The following MIR2052HG variants were observed in gnomAD, a reference collection of about 807,000 sequenced individuals.
MIR2052HG encodes the protein MIR2052 host gene.
At chr8:74,603,337 A>G in intron 1 of MIR2052HG, 6 of 1,609,286 alleles carry the variant, frequency 3.7e-6, no homozygotes, top group Non-Finnish European at 5.1e-6. Flanking sequence ...GACATTGATT[A>G]GATATTGAGC....
intron 2 of MIR2052HG, among the ~76,000 whole-genome samples, chr8:74,700,287 A>G (rs185763518): frequency 8.5e-5 from 13 of 152,348 alleles, no homozygotes; most frequent in African/African-American, 3.1e-4. Context: ...GTATGCTGCT[A>G]CAGACATATA....
At chr8:74,665,951 C>T (rs1808919091) in intron 2 of MIR2052HG, among the ~76,000 whole-genome samples, 2 of 152,206 alleles carry the variant, frequency 1.3e-5, no homozygotes, top group African/African-American at 2.4e-5. Flanking sequence ...CTTTGCCTTC[C>T]ACCATGAGTG....
chr8:74,748,351 A>G (rs1014218823), intron 4 of MIR2052HG, among the ~76,000 whole-genome samples: 1 of 152,196 alleles, frequency 6.6e-6, no homozygotes, highest in East Asian at 1.9e-4. Context: ...CTGTCCTTAA[A>G]TAGGTTGAAT....
intron 2 of MIR2052HG, among the ~76,000 whole-genome samples, chr8:74,695,744 A>C (rs116639874): frequency 0.011 from 1,699 of 152,240 alleles, 26 homozygotes; most frequent in African/African-American, 0.038. Context: ...AAAAGTCATT[A>C]TATAATCACT....
At chr8:74,652,413 GA>G (rs1355631301) in intron 2 of MIR2052HG, among the ~76,000 whole-genome samples, 1 of 152,154 alleles carries the variant, frequency 6.6e-6, no homozygotes, top group Non-Finnish European at 1.5e-5. Flanking sequence ...CTAGGCTCTG[GA>G]GTGAAGACCA....
At chr8:74,721,692 G>A (rs1467506283) in intron 4 of MIR2052HG, among the ~76,000 whole-genome samples, 5 of 152,186 alleles carry the variant, frequency 3.3e-5, no homozygotes, top group African/African-American at 1.2e-4. Flanking sequence ...TGAAGGGCGA[G>A]GCCTAGAACT....
In MIR2052HG at chr8:74,679,692, TTTTTG is replaced by T. The variant is rs527703635; in HGVS notation, n.217-22662_217-22658del. Among the ~76,000 whole-genome samples, 14 of 151,776 alleles carry T rather than the reference TTTTTG, an allele frequency of 9.2e-5. No homozygotes were observed. In the East Asian group the frequency reaches 1.2e-3, roughly 13 times the overall value. ...CATCTGCCACCACACCCGGCTAAAT[TTTTTG>T]TTTTGTTTTGTTTTGTTTTGTTTTA... On this transcript the variant is annotated intron_variant and non_coding_transcript_variant, in intron 2 of 6. Transcript: ENST00000523442.
intron 2 of MIR2052HG, among the ~76,000 whole-genome samples, chr8:74,670,693 G>A (rs954857379): frequency 6.6e-6 from 1 of 152,090 alleles, no homozygotes; most frequent in African/African-American, 2.4e-5. Context: ...AATATTTCAG[G>A]AAGTTGGTAT....
intron 4 of MIR2052HG, among the ~76,000 whole-genome samples, chr8:74,712,620 G>A (rs1809481083): frequency 6.6e-6 from 1 of 151,878 alleles, no homozygotes; most frequent in Non-Finnish European, 1.5e-5. Context: ...ACTTGAAATT[G>A]TAGTCCAGGA....
chr8:74,690,265 T>C (rs1040875727), intron 2 of MIR2052HG, among the ~76,000 whole-genome samples: 12 of 152,206 alleles, frequency 7.9e-5, no homozygotes, highest in Admixed American at 3.3e-4. Flanking sequence ...TTACTCTCTT[T>C]GGTATTTTCA....
At chr8:74,667,650 A>G (rs1175860734) in intron 2 of MIR2052HG, among the ~76,000 whole-genome samples, 1 of 151,836 alleles carries the variant, frequency 6.6e-6, no homozygotes, top group Non-Finnish European at 1.5e-5. Context: ...TTTCTCAAGT[A>G]CTCCTTTTAA....
At chr8:74,624,958 G>A (rs1334062069) in intron 2 of MIR2052HG, among the ~76,000 whole-genome samples, 1 of 152,306 alleles carries the variant, frequency 6.6e-6, no homozygotes, top group East Asian at 1.9e-4. Flanking sequence ...GATGAGTACA[G>A]TAAAGGATGA....
At chr8:74,752,853 G>C (rs916730130) in intron 5 of MIR2052HG, among the ~76,000 whole-genome samples, 1 of 152,166 alleles carries the variant, frequency 6.6e-6, no homozygotes, top group African/African-American at 2.4e-5. Flanking sequence ...AAAACTTTCA[G>C]TTAAAACTGG....
chr8:74,614,655 A>G (rs897642718), intron 2 of MIR2052HG, among the ~76,000 whole-genome samples: 9 of 151,534 alleles, frequency 5.9e-5, no homozygotes, highest in African/African-American at 1.9e-4. Flanking sequence ...CTTTATTTCT[A>G]TTCTGATTCC....
intron 2 of MIR2052HG, among the ~76,000 whole-genome samples, chr8:74,650,679 T>C (rs1476864812): frequency 6.6e-6 from 1 of 152,180 alleles, no homozygotes; most frequent in Non-Finnish European, 1.5e-5. Flanking sequence ...AAAGTTCCAG[T>C]AGTTCCATGC....
chr8:74,661,864 CAA>C (rs1350906794), intron 2 of MIR2052HG, among the ~76,000 whole-genome samples: 1 of 152,014 alleles, frequency 6.6e-6, no homozygotes, highest in Non-Finnish European at 1.5e-5. Flanking sequence ...TACTATCATT[CAA>C]AAAGAGATAC....
At chr8:74,632,706 G>C (rs1411082538) in intron 2 of MIR2052HG, among the ~76,000 whole-genome samples, 2 of 152,052 alleles carry the variant, frequency 1.3e-5, no homozygotes, top group Admixed American at 1.3e-4. Context: ...TGAATATTTA[G>C]GTTGCCAGTG....
intron 2 of MIR2052HG, among the ~76,000 whole-genome samples, chr8:74,676,887 G>T (rs1037834724): frequency 5.3e-5 from 8 of 151,804 alleles, no homozygotes; most frequent in Admixed American, 2.0e-4. Flanking sequence ...ACAATGTACA[G>T]GTATATCAAA....
chr8:74,749,380 G>T (rs1809920052), intron 4 of MIR2052HG, among the ~76,000 whole-genome samples: 1 of 151,790 alleles, frequency 6.6e-6, no homozygotes, highest in Non-Finnish European at 1.5e-5. Context: ...AATGGATGAT[G>T]CCACTTCCTA....
Sources: gnomAD v4.1 joint callset for allele counts (sites outside exome capture counted in the v4.1 genomes callset) on GRCh38, gnomAD v4.1.1 for gene constraint, MANE v1.5 for transcripts, NCBI Gene and HGNC (gene_info 2026-07-23, HGNC 2026-07-21) for gene names.